UBR4: variants seen among roughly 807,000 people sequenced by gnomAD.
UBR4 encodes the protein ubiquitin protein ligase E3 component n-recognin 4, also known as E3 ubiquitin-protein ligase UBR4.
UBR4 carries 124 observed loss-of-function variants against 575.6 expected under a neutral mutation model. That is an observed-to-expected ratio of 0.22 (90% CI 0.19 to 0.25). UBR4 has a LOEUF of 0.25. Ranked by LOEUF, UBR4 falls within the 10% of genes least tolerant of loss-of-function variation. UBR4 has a pLI of 1.00. For missense variants in UBR4, 4,818 were observed against 6,478.8 expected (o/e 0.74, Z 8.80); for synonymous variants, 2,455 against 2,473.7 (o/e 0.99, Z 0.22).
At chr1:19,194,611 C>T (rs1057015367) in intron 8 of UBR4, among the ~76,000 whole-genome samples, 1 of 151,760 alleles carries the variant, frequency 6.6e-6, no homozygotes. Flanking sequence ...AGACCAGCCT[C>T]GCCAACATGG....
chr1:19,078,414 T>C (rs1481455512), intron 103 of UBR4: 1 of 192,936 alleles, frequency 5.2e-6, no homozygotes, highest in African/African-American at 2.4e-5. Flanking sequence ...ATGTATCCCT[T>C]GTGTTTGGGC....
Position 19,147,994 on chromosome 1 carries a change from T to C in UBR4, c.7628A>G (p.Lys2543Arg). The C allele has an allele frequency of 6.2e-7, 1 of 1,612,382 alleles. No individual in the cohort carries two copies. The highest frequency in any genetic ancestry group is 8.5e-7 in the Non-Finnish European group (1 of 1,179,492). The change falls in exon 51 of 106, where the codon AAG (lysine) becomes AGG (arginine). Residue 2543 changes from lysine (K) to arginine (R), a missense_variant and splice_region_variant. Physicochemically the swap from Lys to Arg is conservative, Grantham distance 26. Transcript: ENST00000375254. ...TCCTTTCCCTGAGAGAACAGTTACC[T>C]TGTGGCTGTGGTAGGCCGAGCGGCT... The part of the protein sequence containing the change: ...HTSRSAYHSH[K>R]DQALLSKAVQ...
At position 19,074,704 on chromosome 1, in the gene UBR4, A is replaced by T. The variant is rs1203584719; in HGVS notation, c.*128T>A. The T allele has an allele frequency of 9.0e-7, 1 of 1,110,634 alleles. No individual in the cohort carries two copies. Among genetic ancestry groups the T allele is most frequent in the Non-Finnish European group, 1.3e-6 (1 of 755,186 alleles). The allele number at this position is 1,110,634 out of a possible 1,614,324, so 68.8% of individuals were successfully genotyped here. A position where few individuals can be genotyped will look rare whatever the true frequency, so the allele number is the denominator to read the frequency against. On this transcript the variant is annotated 3_prime_UTR_variant, in exon 106 of 106. Coordinates refer to ENST00000375254, the MANE Select transcript of UBR4 (RefSeq NM_020765.3). Reference sequence around the variant, plus strand: ...TAAAAACCCCAAGCCACACCAAGAAAAATGAGAGAGGGGAGGGCGGGGTAA... The same window carrying T: ...TAAAAACCCCAAGCCACACCAAGAATAATGAGAGAGGGGAGGGCGGGGTAA...
At chr1:19,132,938 T>C (rs1039102188) in intron 60 of UBR4, among the ~76,000 whole-genome samples, 7 of 152,178 alleles carry the variant, frequency 4.6e-5, no homozygotes, top group Admixed American at 1.3e-4. Context: ...AATAATTCTC[T>C]AGCATTTAAA....
intron 101 of UBR4, among the ~76,000 whole-genome samples, chr1:19,085,189 T>C (rs1328339511): frequency 1.3e-5 from 2 of 152,250 alleles, no homozygotes; most frequent in African/African-American, 4.8e-5. Context: ...CTCGAGCAAG[T>C]TGCTCAAACT....
At chr1:19,128,887 A>G in intron 61 of UBR4, 91 bp downstream of exon 61, 2 of 1,145,710 alleles carry the variant, frequency 1.7e-6, no homozygotes, top group Non-Finnish European at 2.6e-6. Context: ...CACCAAACGA[A>G]GGCTTCCAGG....
chr1:19,182,435 C>T (rs1308350469), intron 17 of UBR4, among the ~76,000 whole-genome samples: 3 of 152,024 alleles, frequency 2.0e-5, no homozygotes, highest in Non-Finnish European at 4.4e-5. Context: ...ATACTACAGC[C>T]TCAAACTCCT....
At position 19,161,793 on chromosome 1, in the gene UBR4, C is replaced by G. The variant is rs182351639; in HGVS notation, c.5027+34G>C. On this transcript the variant is annotated intron_variant, in intron 36 of 105. Coordinates refer to ENST00000375254, the MANE Select transcript of UBR4 (RefSeq NM_020765.3). ...AGAAGTCCCAACAATCGGTGCCCAG[C>G]AAATCTTCACCTTAAAGGAAGAACT... 2.8e-4 allele frequency: 456 copies of G among 1,614,086 alleles called. 6 individuals are homozygous for G. In the East Asian group the frequency reaches 0.01, roughly 36 times the overall value.
chr1:19,099,468 G>A (rs1440822517), intron 90 of UBR4, 129 bp downstream of exon 90: 1 of 759,062 alleles, frequency 1.3e-6, no homozygotes, highest in African/African-American at 1.8e-5. Context: ...ACCCCAAACA[G>A]GGACAGTAAA....
At chr1:19,077,739 A>C (rs1477213175) in intron 104 of UBR4, 1 of 1,437,240 alleles carries the variant, frequency 7.0e-7, no homozygotes, top group Admixed American at 2.1e-5. Context: ...GTCTCAAAAA[A>C]ACCAAACCAA....
In UBR4 at chr1:19,167,091, A is replaced by G. The variant is rs1307784143; in HGVS notation, c.4040T>C (p.Leu1347Ser). 1.2e-6 allele frequency: 2 copies of G among 1,614,222 alleles called. No individual in the cohort carries two copies. The highest frequency in any genetic ancestry group is 1.3e-5 in the African/African-American group (1 of 75,038). Residue 1347 changes from leucine (L) to serine (S), a missense_variant, in exon 29 of 106, where the codon TTG becomes TCG. Physicochemically the swap from Leu to Ser is moderately radical, Grantham distance 145. Transcript: ENST00000375254. ...GATCAGCTTCTCATAAACACGAGCC[A>G]AGAACTCATCAGACTCAGCAGGGCC... ...ILGPAESDEF[L>S]ARVYEKLITG...
At chr1:19,184,976 G>T in intron 15 of UBR4, 123 bp downstream of exon 15, 1 of 1,229,940 alleles carries the variant, frequency 8.1e-7, no homozygotes, top group South Asian at 1.4e-5. Flanking sequence ...TAAGTCCTAA[G>T]CAAAAATATC....
Position 19,089,087 on chromosome 1 carries a change from C to T in UBR4, c.14212-110G>A. On this transcript the variant is annotated intron_variant, in intron 97 of 105. Coordinates refer to ENST00000375254, the MANE Select transcript of UBR4 (RefSeq NM_020765.3). This position sits in a 1 kb window ranked among gnomAD's most constrained non-coding sequence, Gnocchi z 4.3. ...ACCAGCATGCACCATCTCATGTCAC[C>T]TGCTCAGCTGCAATCAGGTCCTTTG... is the stretch of plus-strand genomic sequence containing the variant. 3.8e-6 allele frequency: 4 copies of T among 1,044,662 alleles called. No homozygotes were observed. The highest frequency in any genetic ancestry group is 4.3e-4 in the Middle Eastern group (2 of 4,636). The allele number at this position is 1,044,662 out of a possible 1,614,324, so 64.7% of individuals were successfully genotyped here.
At chr1:19,122,659 T>TA (rs768238373) in intron 66 of UBR4, among the ~76,000 whole-genome samples, 174 bp downstream of exon 66, 1 of 152,316 alleles carries the variant, frequency 6.6e-6, no homozygotes. Context: ...TGAAGCCAAC[T>TA]ACACATGGTA....
chr1:19,198,919 T>G lies in UBR4; in HGVS notation c.388A>C (p.Ile130Leu). The G allele has an allele frequency of 6.2e-7, 1 of 1,612,172 alleles. No individual in the cohort carries two copies. The highest frequency in any genetic ancestry group is 8.5e-7 in the Non-Finnish European group (1 of 1,179,404). The change falls in exon 4 of 106, where the codon ATT (isoleucine) becomes CTT (leucine). Residue 130 changes from isoleucine (I) to leucine (L), a missense_variant. Ile to Leu is a conservative substitution (Grantham distance 5). Transcript: ENST00000375254. ...GTGCACAGGCCCTTGATTAGGAGAA[T>G]CAAGTGTTTCTGAAAAGAAAACAAA... Reference protein sequence around the residue: ...EACAVSQKHLILLIKGLCTGC... With the variant: ...EACAVSQKHLLLLIKGLCTGC...
At chr1:19,079,751 C>T (rs2148489879) in intron 103 of UBR4, 1 of 152,440 alleles carries the variant, frequency 6.6e-6, no homozygotes, top group Middle Eastern at 3.4e-3. Flanking sequence ...AGTGCCTTTC[C>T]TAGTCTGCCT....
In UBR4 at chr1:19,152,531, C is replaced by T; in HGVS notation, c.6833-55G>A. On this transcript the variant is annotated intron_variant, in intron 46 of 105. Coordinates refer to ENST00000375254, the MANE Select transcript of UBR4 (RefSeq NM_020765.3). The surrounding 1 kb of genome is among the most constrained non-coding windows in gnomAD (Gnocchi z 4.4). Reference sequence around the variant, plus strand: ...GTCTCTCCCACCTCTGCCCCAACACCACTGGTAAAGACTCCTCCCAGACAG... The same window carrying T: ...GTCTCTCCCACCTCTGCCCCAACACTACTGGTAAAGACTCCTCCCAGACAG... The T allele has an allele frequency of 1.9e-6, 3 of 1,607,096 alleles. No individual in the cohort carries two copies. The African/African-American group carries it at 4.0e-5, about 21-fold the overall frequency.
chr1:19,173,553 C>G lies in UBR4; in HGVS notation c.3051G>C (p.Lys1017Asn). ...TCATGGATAGCTGGTTAATGTAAGT[C>G]TTTGATGGTGGTAAAATTCCTAGGA... ...WRILGILPPSKTYINQLSMNS... is the reference protein window; with the variant it reads ...WRILGILPPSNTYINQLSMNS... Residue 1017 changes from lysine to asparagine, a missense_variant, in exon 23 of 106, where the codon AAG becomes AAC. Lys to Asn is a moderately conservative substitution (Grantham distance 94). Around this residue, in one of 29 missense-constraint regions of UBR4, gnomAD observed 1,172 missense variants for 1,259.7 expected, o/e 0.93. Coordinates refer to ENST00000375254, the MANE Select transcript of UBR4 (RefSeq NM_020765.3). 1 of 1,614,104 alleles carries G rather than the reference C, an allele frequency of 6.2e-7. No homozygotes were observed. Among genetic ancestry groups the G allele is most frequent in the Non-Finnish European group, 8.5e-7 (1 of 1,180,022 alleles).
intron 69 of UBR4, 95 bp downstream of exon 69, chr1:19,120,085 T>C: frequency 7.0e-7 from 1 of 1,418,666 alleles, no homozygotes; most frequent in Non-Finnish European, 9.7e-7. Context: ...AACTACTGAC[T>C]CTGTGACCAT....
Sources: allele counts gnomAD v4.1 joint callset (sites outside exome capture counted in the v4.1 genomes callset), GRCh38; gene constraint gnomAD v4.1.1; regional missense constraint gnomAD v4.1.1; non-coding constraint Gnocchi (gnomAD v3.1); transcripts MANE v1.5; gene names NCBI Gene and HGNC (gene_info 2026-07-23, HGNC 2026-07-21).